CNTN6: variants seen among roughly 807,000 people sequenced by gnomAD.
CNTN6 encodes the protein contactin-6.
CNTN6 carries 137 observed loss-of-function variants against 122.8 expected under a neutral mutation model. That is an observed-to-expected ratio of 1.12 (90% CI 0.97 to 1.29). The LOEUF (loss-of-function observed/expected upper bound fraction) is 1.29. Ranked by LOEUF, CNTN6 falls within the 50% of genes most tolerant of loss-of-function variation. CNTN6 has a pLI of 0.00. For synonymous variants in CNTN6, 570 were observed against 426.0 expected (o/e 1.34, Z -4.16); for missense variants, 1,634 against 1,223.4 (o/e 1.34, Z -5.01).
At chr3:1,114,606 T>C (rs1234241336) in intron 1 of CNTN6, among the ~76,000 whole-genome samples, 2 of 152,020 alleles carry the variant, frequency 1.3e-5, no homozygotes, top group Non-Finnish European at 2.9e-5. Flanking sequence ...ATGTAATAAA[T>C]AAGAGAACAT....
intron 4 of CNTN6, among the ~76,000 whole-genome samples, chr3:1,259,816 C>T (rs2094815470): frequency 6.6e-6 from 1 of 151,990 alleles, no homozygotes; most frequent in Non-Finnish European, 1.5e-5. Context: ...TAGATGTATC[C>T]ATGTATAATA....
intron 1 of CNTN6, among the ~76,000 whole-genome samples, chr3:1,094,007 A>G (rs1490773311): frequency 6.6e-6 from 1 of 152,206 alleles, no homozygotes. Context: ...TAGAAGTTAT[A>G]CTGAGAAAAA....
chr3:1,133,027 T>G (rs941791360), intron 1 of CNTN6, among the ~76,000 whole-genome samples: 3 of 152,066 alleles, frequency 2.0e-5, no homozygotes, highest in Non-Finnish European at 2.9e-5. Flanking sequence ...TGAATAAATA[T>G]AAGTTAGTGC....
intron 1 of CNTN6, among the ~76,000 whole-genome samples, chr3:1,126,341 C>A (rs1404298042): frequency 1.3e-5 from 2 of 151,646 alleles, no homozygotes; most frequent in Non-Finnish European, 2.9e-5. Flanking sequence ...TAAGATAAAC[C>A]AGATTCTCTA....
intron 1 of CNTN6, among the ~76,000 whole-genome samples, chr3:1,129,009 T>A (rs2092261126): frequency 6.6e-6 from 1 of 152,006 alleles, no homozygotes; most frequent in Non-Finnish European, 1.5e-5. Flanking sequence ...TTCTTTTTAG[T>A]GTTTATGTAA....
At chr3:1,376,508 C>T (rs987500532) in intron 16 of CNTN6, among the ~76,000 whole-genome samples, 9 of 151,944 alleles carry the variant, frequency 5.9e-5, no homozygotes, top group South Asian at 2.1e-4. Flanking sequence ...GAGATTGTAA[C>T]GAGGAGTTTT....
chr3:1,211,822 GGA>G (rs1349896490), intron 2 of CNTN6, among the ~76,000 whole-genome samples: 3 of 152,034 alleles, frequency 2.0e-5, no homozygotes, highest in Non-Finnish European at 4.4e-5. Context: ...TAAATTCTTG[GGA>G]GAGAGAAACA....
intron 11 of CNTN6, among the ~76,000 whole-genome samples, chr3:1,350,799 A>G (rs929799247): frequency 5.3e-5 from 8 of 151,932 alleles, no homozygotes; most frequent in Admixed American, 3.9e-4. Context: ...GTGTTGCTCA[A>G]TATTCCTAGT....
chr3:1,309,396 C>T (rs919376398), intron 7 of CNTN6, among the ~76,000 whole-genome samples: 3 of 152,100 alleles, frequency 2.0e-5, no homozygotes, highest in Admixed American at 2.0e-4. Context: ...AATTTTTCTC[C>T]ACTGTATTGC....
intron 2 of CNTN6, among the ~76,000 whole-genome samples, chr3:1,212,249 C>CT (rs1409669525): frequency 2.8e-4 from 33 of 118,472 alleles, no homozygotes; most frequent in Non-Finnish European, 1.2e-4. Flanking sequence ...CCAAATAAAA[C>CT]TTGTTTTTTT....
At chr3:1,391,362 T>C (rs1448136450) in intron 20 of CNTN6, among the ~76,000 whole-genome samples, 1 of 121,944 alleles carries the variant, frequency 8.2e-6, no homozygotes, top group Non-Finnish European at 1.7e-5. Context: ...CAACCCTTCA[T>C]GCTAAAAACT....
chr3:1,401,743 A>C (rs1419475909), intron 21 of CNTN6, among the ~76,000 whole-genome samples, 198 bp downstream of exon 21: 1 of 152,088 alleles, frequency 6.6e-6, no homozygotes, highest in African/African-American at 2.4e-5. Flanking sequence ...TGTATTAGGG[A>C]ACATCAATAA....
At chr3:1,388,100 C>T (rs886483376) in intron 20 of CNTN6, among the ~76,000 whole-genome samples, 2 of 152,174 alleles carry the variant, frequency 1.3e-5, no homozygotes, top group African/African-American at 4.8e-5. Context: ...GGCTCCACCT[C>T]TCGGGGCAGG....
intron 4 of CNTN6, among the ~76,000 whole-genome samples, chr3:1,266,622 C>A (rs1333441334): frequency 6.6e-6 from 1 of 152,112 alleles, no homozygotes; most frequent in African/African-American, 2.4e-5. Flanking sequence ...CTGATTAAAC[C>A]ATCACAATGA....
rs2094198075 is a variant in CNTN6 at position 1,220,826 on chromosome 3, C to T, written c.182+13C>T. ...CGCCTCATTATAGGTAAAATCCTAC[C>T]TGTGGGCACCACACTATTTTGTTCT... On this transcript the variant is annotated intron_variant, in intron 3 of 22. Coordinates refer to ENST00000446702, the MANE Select transcript of CNTN6 (RefSeq NM_001289080.2). The T allele has an allele frequency of 6.3e-7, 1 of 1,585,214 alleles. No homozygotes were observed. Among genetic ancestry groups the T allele is most frequent in the African/African-American group, 1.4e-5 (1 of 73,446 alleles).
At chr3:1,357,823 A>T (rs1472048221) in intron 12 of CNTN6, among the ~76,000 whole-genome samples, 2 of 151,930 alleles carry the variant, frequency 1.3e-5, no homozygotes. Context: ...ATGTGCATTT[A>T]CATTTTATTA....
intron 4 of CNTN6, among the ~76,000 whole-genome samples, chr3:1,276,818 T>A (rs766655258): frequency 1.3e-5 from 2 of 152,172 alleles, no homozygotes; most frequent in East Asian, 1.9e-4. Context: ...ATATGTAATA[T>A]AATGATCTAA....
chr3:1,364,219 A>G (rs1457069230), intron 12 of CNTN6, among the ~76,000 whole-genome samples: 1 of 151,986 alleles, frequency 6.6e-6, no homozygotes, highest in Non-Finnish European at 1.5e-5. Context: ...AAAGGTATTT[A>G]TTTCTAGACA....
At chr3:1,215,895 T>A (rs973059211) in intron 2 of CNTN6, among the ~76,000 whole-genome samples, 1 of 152,112 alleles carries the variant, frequency 6.6e-6, no homozygotes. Flanking sequence ...AGTACCCACA[T>A]TTTGTAGCCT....
Sources: gnomAD v4.1 joint callset for allele counts (sites outside exome capture counted in the v4.1 genomes callset) on GRCh38, gnomAD v4.1.1 for gene constraint, MANE v1.5 for transcripts, NCBI Gene and HGNC (gene_info 2026-07-23, HGNC 2026-07-21) for gene names.